The following PLPP2 variants were observed in gnomAD, a reference collection of about 807,000 sequenced individuals.
The protein encoded by PLPP2 is phospholipid phosphatase 2.
A neutral mutation model predicts 35.2 loss-of-function variants in PLPP2; 29 were observed. That is an observed-to-expected ratio of 0.82 (90% confidence interval 0.61 to 1.12). PLPP2 has a LOEUF of 1.12. Ranked by LOEUF, PLPP2 falls within the 50% of genes most tolerant of loss-of-function variation. The pLI is 0.00. For synonymous variants in PLPP2, 162 were observed against 167.0 expected (o/e 0.97, Z 0.23); for missense variants, 353 against 375.2 (o/e 0.94, Z 0.49).
intron 1 of PLPP2, 56 bp downstream of exon 1, chr19:291,229 G>T (rs1970384118): frequency 6.3e-7 from 1 of 1,594,868 alleles, no homozygotes; most frequent in Admixed American, 1.7e-5. Flanking sequence ...CGCGCAGCCG[G>T]GGGCGTGTCC....
chr19:290,897 C>A (rs1970376651), intron 1 of PLPP2: 2 of 1,198,392 alleles, frequency 1.7e-6, no homozygotes, highest in African/African-American at 1.6e-5. Context: ...GAGGCGCGGA[C>A]GTCCTGCCGG....
intron 5 of PLPP2, 83 bp downstream of exon 5, chr19:282,051 A>T: frequency 2.0e-6 from 3 of 1,490,744 alleles, no homozygotes; most frequent in Non-Finnish European, 2.7e-6. Context: ...TCAGTGGGGC[A>T]AGGGTACCCA....
chr19:283,786 C>G (rs1970223549), intron 3 of PLPP2: 1 of 152,164 alleles, frequency 6.6e-6, no homozygotes, highest in Non-Finnish European at 1.5e-5. Flanking sequence ...AGGGCTGACC[C>G]CACATGCACA....
chr19:290,970 C>G, intron 1 of PLPP2: 2 of 1,246,074 alleles, frequency 1.6e-6, no homozygotes, highest in Admixed American at 8.4e-5. Context: ...CCAGGCGGGG[C>G]GGGATGGAGG....
chr19:287,946 C>G lies in PLPP2; in HGVS notation c.204+74G>C. 1.9e-6 allele frequency: 3 copies of G among 1,550,696 alleles called. No homozygotes were observed. Among genetic ancestry groups the G allele is most frequent in the South Asian group, 1.2e-5 (1 of 84,826 alleles). On this transcript the variant is annotated intron_variant, in intron 2 of 5. Coordinates refer to ENST00000434325, the MANE Select transcript of PLPP2 (RefSeq NM_003712.4). This position sits in a 1 kb window ranked among gnomAD's most constrained non-coding sequence, Gnocchi z 4.3. The stretch of plus-strand genomic sequence containing the variant: ...TCCAGGGCAGGGCTGTGCCACCCCC[C>G]CATCAGGCCCCCAGGGTAAAGCTGG...
At chr19:281,913 G>A in intron 5 of PLPP2, 1 of 546,104 alleles carries the variant, frequency 1.8e-6, no homozygotes, top group East Asian at 3.1e-5. Context: ...GAGGGTCCAG[G>A]TAAGGACTGG....
chr19:291,109 C>T (rs1160298744), intron 1 of PLPP2, 176 bp downstream of exon 1: 1 of 1,351,880 alleles, frequency 7.4e-7, no homozygotes. Flanking sequence ...CCTGGGAGGG[C>T]GCGCGCAGTG....
chr19:291,270 C>G lies in PLPP2; in HGVS notation c.52+15G>C, dbSNP rs1970385130. The G allele has an allele frequency of 6.2e-7, 1 of 1,600,754 alleles. No individual in the cohort carries two copies. Among genetic ancestry groups the G allele is most frequent in the East Asian group, 2.3e-5 (1 of 43,646 alleles). On this transcript the variant is annotated intron_variant, in intron 1 of 5. Coordinates refer to ENST00000434325, the MANE Select transcript of PLPP2 (RefSeq NM_003712.4). ...GGGAGGGTCCCCCCAACACCCGGGT[C>G]CCCAAGGCTCTTACCGACCAGTAAG...
intron 3 of PLPP2, chr19:283,676 G>T (rs1970220425): frequency 6.6e-6 from 1 of 152,256 alleles, no homozygotes; most frequent in Admixed American, 6.5e-5. Flanking sequence ...GGAGAGGCCT[G>T]CGAGGGCCGA....
Position 287,909 on chromosome 19 carries a change from C to A in PLPP2, c.204+111G>T. 1 of 1,518,744 alleles carries A rather than the reference C, an allele frequency of 6.6e-7. No homozygotes were observed. The highest frequency in any genetic ancestry group is 8.9e-7 in the Non-Finnish European group (1 of 1,122,734). 94.1% of individuals were successfully genotyped at this position (1,518,744 alleles called of 1,614,324 possible). ...TCAGGGCAAGGCTGTGTCCCCCGGC[C>A]CCACACAGACCTCCAGGGCAGGGCT... is the stretch of plus-strand genomic sequence containing the variant. On this transcript the variant is annotated intron_variant, in intron 2 of 5. Coordinates refer to ENST00000434325, the MANE Select transcript of PLPP2 (RefSeq NM_003712.4). The surrounding 1 kb of genome is among the most constrained non-coding windows in gnomAD (Gnocchi z 4.3).
intron 3 of PLPP2, chr19:284,377 T>C (rs1284871966): frequency 6.0e-5 from 9 of 150,412 alleles, no homozygotes; most frequent in African/African-American, 1.5e-4. Flanking sequence ...TTACAAGGCA[T>C]GTAGAAAAAC....
chr19:282,676 A>G, intron 4 of PLPP2, 76 bp downstream of exon 4: 1 of 1,482,262 alleles, frequency 6.7e-7, no homozygotes, highest in Non-Finnish European at 9.4e-7. Flanking sequence ...TTACAGCTGG[A>G]AAAACTGAGG....
chr19:281,646 T>G, intron 5 of PLPP2, 109 bp from the exon 6 acceptor site: 1 of 1,073,580 alleles, frequency 9.3e-7, no homozygotes, highest in Non-Finnish European at 1.3e-6. Flanking sequence ...GCGAGGGGCC[T>G]AGGTGGGAAA....
chr19:282,754 C>T lies in PLPP2; in HGVS notation c.538G>A (p.Ala180Thr), dbSNP rs776954462. The change falls in exon 4 of 6, where the codon GCG becomes ACG. Residue 180 changes from alanine (A) to threonine (T), a missense_variant and splice_region_variant. Ala to Thr is a moderately conservative substitution (Grantham distance 58). Coordinates refer to ENST00000434325, the MANE Select transcript of PLPP2 (RefSeq NM_003712.4). ...SFGMYCMVFL[A>T]LYVQARLCWK... is the part of the protein sequence containing the mutation. ...AAGCCCGGGAGAAACAGACTCACCG[C>T]CAAGAACACCATGCAGTACATCCCA... 2 of 1,613,302 alleles carry T rather than the reference C, an allele frequency of 1.2e-6. No individual in the cohort carries two copies. Among genetic ancestry groups the T allele is most frequent in the Admixed American group, 1.7e-5 (1 of 60,008 alleles).
At chr19:284,148 G>C (rs1027435959) in intron 3 of PLPP2, 2 of 152,174 alleles carry the variant, frequency 1.3e-5, no homozygotes, top group Admixed American at 6.5e-5. Context: ...GAGGTCAAGA[G>C]ACCGAGACCA....
intron 3 of PLPP2, chr19:284,642 T>C (rs1970238479): frequency 6.6e-6 from 1 of 152,086 alleles, no homozygotes; most frequent in South Asian, 2.1e-4. Context: ...AAATAAATAC[T>C]ATGTTCAAAG....
chr19:291,343 C>G lies in PLPP2; in HGVS notation c.-7G>C. On this transcript the variant is annotated 5_prime_UTR_variant, in exon 1 of 6. Coordinates refer to ENST00000434325, the MANE Select transcript of PLPP2 (RefSeq NM_003712.4). Reference sequence around the variant, plus strand: ...AGACCCACCTCCGCTGCATGGTCCCCGCGACCCCCGACGCCGGTCCCAGCG... The same window carrying G: ...AGACCCACCTCCGCTGCATGGTCCCGGCGACCCCCGACGCCGGTCCCAGCG... 1 of 1,587,836 alleles carries G rather than the reference C, an allele frequency of 6.3e-7. No homozygotes were observed. The highest frequency in any genetic ancestry group is 1.7e-5 in the Admixed American group (1 of 57,772).
At position 287,839 on chromosome 19, in the gene PLPP2, A is replaced by G. The variant is rs1310924974; in HGVS notation, c.205-88T>C. 3.9e-6 allele frequency: 6 copies of G among 1,547,034 alleles called. No individual in the cohort carries two copies. The highest frequency in any genetic ancestry group is 5.2e-6 in the Non-Finnish European group (6 of 1,144,664). ...GCACGGGCCTCCCCAAGGCTGCTGG[A>G]GAGCTGGGGACTCTGAAGGGGGCCC... On this transcript the variant is annotated intron_variant, in intron 2 of 5. Coordinates refer to ENST00000434325, the MANE Select transcript of PLPP2 (RefSeq NM_003712.4). This position sits in a 1 kb window ranked among gnomAD's most constrained non-coding sequence, Gnocchi z 4.3.
rs748018264 is a variant in PLPP2, at chr19:282,128, G to C, written c.717+6C>G. 3.7e-6 allele frequency: 6 copies of C among 1,612,944 alleles called. No homozygotes were observed. The Admixed American group carries it at 1.0e-4, about 27-fold the overall frequency. On this transcript the variant is annotated splice_donor_region_variant and intron_variant, in intron 5 of 5. Coordinates refer to ENST00000434325, the MANE Select transcript of PLPP2 (RefSeq NM_003712.4). ...ACAGGGGATAGAGTTAGGGTTAGAAGCTCACAGTGAGGGCAGCCACCAGTG... is the reference window on the plus strand; with the variant it reads ...ACAGGGGATAGAGTTAGGGTTAGAACCTCACAGTGAGGGCAGCCACCAGTG...
Sources: gnomAD v4.1 joint callset for allele counts on GRCh38, gnomAD v4.1.1 for gene constraint, Gnocchi (gnomAD v3.1) non-coding constraint, MANE v1.5 for transcripts, NCBI Gene and HGNC (gene_info 2026-07-23, HGNC 2026-07-21) for gene names.